CSMD3: variants seen among roughly 807,000 people sequenced by gnomAD.
CSMD3 encodes the protein CUB and Sushi multiple domains 3, also known as CUB and sushi domain-containing protein 3.
A neutral mutation model predicts 435.2 loss-of-function variants in CSMD3; 177 were observed. The observed-to-expected ratio is 0.41, with a 90% CI of 0.36 to 0.46. The LOEUF (loss-of-function observed/expected upper bound fraction) is 0.46. Among genes scored for constraint, CSMD3 ranks in the 20% least tolerant of loss-of-function variants. The pLI is 0.34. For synonymous variants in CSMD3, 1,656 were observed against 1,520.5 expected (o/e 1.09, Z -2.07); for missense variants, 4,265 against 4,504.6 (o/e 0.95, Z 1.52).
At position 112,636,920 on chromosome 8, in the gene CSMD3, C is replaced by A. The variant is rs1283730563; in HGVS notation, c.3612G>T (p.Leu1204=). 1 of 1,613,508 alleles carries A rather than the reference C, an allele frequency of 6.2e-7. No homozygotes were observed. The highest frequency in any genetic ancestry group is 1.7e-5 in the Admixed American group (1 of 59,904). Residue 1204 remains leucine, a synonymous_variant, in exon 22 of 71, where the codon CTG becomes CTT. Coordinates refer to ENST00000297405, the MANE Select transcript of CSMD3 (RefSeq NM_198123.2). ...GATAACCCGAAGAGCATGAGAAGGT[C>A]AGAGTGTCACCAATCCCAAAGTTGA... The part of the protein sequence containing the change: ...IGFNFGIGDT[L]TFSCSSGYRL...
At chr8:112,715,176 C>G (rs924134626) in intron 13 of CSMD3, among the ~76,000 whole-genome samples, 4 of 151,990 alleles carry the variant, frequency 2.6e-5, no homozygotes, top group Non-Finnish European at 5.9e-5. Flanking sequence ...AGACCACTAG[C>G]TACACTAATG....
chr8:112,558,382 G>T (rs146327819), intron 24 of CSMD3, among the ~76,000 whole-genome samples: 1 of 151,968 alleles, frequency 6.6e-6, no homozygotes, highest in African/African-American at 2.4e-5. Flanking sequence ...GAACAAACAG[G>T]CTTGCTGGGT....
At chr8:113,414,650 A>C (rs1271547305) in intron 1 of CSMD3, among the ~76,000 whole-genome samples, 1 of 120,166 alleles carries the variant, frequency 8.3e-6, no homozygotes, top group Admixed American at 7.9e-5. Context: ...GTGCCCAAAT[A>C]CAAAAAAAAA....
chr8:112,549,467 ATTTG>A (rs1352644242), intron 27 of CSMD3, among the ~76,000 whole-genome samples: 8 of 151,996 alleles, frequency 5.3e-5, no homozygotes, highest in Non-Finnish European at 7.4e-5. Flanking sequence ...GTACAAAATA[ATTTG>A]TTTGTGTTAG....
intron 5 of CSMD3, among the ~76,000 whole-genome samples, chr8:113,055,639 C>T (rs1436156637): frequency 6.6e-6 from 1 of 152,114 alleles, no homozygotes; most frequent in Non-Finnish European, 1.5e-5. Context: ...TTTCTACATT[C>T]TGGTTTACTG....
intron 6 of CSMD3, among the ~76,000 whole-genome samples, chr8:112,982,644 C>T (rs1504345): frequency 0.43 from 64,682 of 151,678 alleles, 14,595 homozygotes; most frequent in East Asian, 0.78. Flanking sequence ...TTTTCATACC[C>T]TTGTTTTCTC....
intron 12 of CSMD3, among the ~76,000 whole-genome samples, chr8:112,828,680 C>A (rs1220356794): frequency 6.6e-6 from 1 of 152,110 alleles, no homozygotes; most frequent in Non-Finnish European, 1.5e-5. Context: ...AATAATTGAA[C>A]ATATAAAGCA....
At chr8:112,778,442 T>C (rs1245668916) in intron 13 of CSMD3, among the ~76,000 whole-genome samples, 1 of 151,970 alleles carries the variant, frequency 6.6e-6, no homozygotes, top group Non-Finnish European at 1.5e-5. Context: ...CAGAACATCA[T>C]ATAGTTGAAA....
chr8:112,439,825 G>A (rs1322977729), intron 32 of CSMD3, among the ~76,000 whole-genome samples: 1 of 151,680 alleles, frequency 6.6e-6, no homozygotes, highest in African/African-American at 2.4e-5. Context: ...AAAAGTACAG[G>A]AGAACTGCCC....
chr8:112,230,739 G>A (rs1813007558), intron 69 of CSMD3, among the ~76,000 whole-genome samples: 1 of 152,040 alleles, frequency 6.6e-6, no homozygotes, highest in South Asian at 2.1e-4. Flanking sequence ...TTGAACCTGG[G>A]AGGAGGAGTT....
intron 13 of CSMD3, among the ~76,000 whole-genome samples, chr8:112,792,793 G>C (rs915788305): frequency 6.6e-6 from 1 of 151,980 alleles, no homozygotes; most frequent in Non-Finnish European, 1.5e-5. Context: ...TAAAAAATAT[G>C]TATCTTTTCT....
intron 2 of CSMD3, among the ~76,000 whole-genome samples, chr8:113,280,456 T>TG (rs1443848298): frequency 1.3e-5 from 2 of 152,022 alleles, no homozygotes; most frequent in African/African-American, 4.8e-5. Flanking sequence ...TGCGTAGAGG[T>TG]GTTCACAGTA....
rs555539985 is a variant in CSMD3, at chr8:112,584,974, A to T, written c.3885+2092T>A. ...TAATCATATGTCTTTTTGAGGGTTC[A>T]TCTTTCTGCTTGTATATAACTAAAT... On this transcript the variant is annotated intron_variant, in intron 23 of 70. Coordinates refer to ENST00000297405, the MANE Select transcript of CSMD3 (RefSeq NM_198123.2). 9.2e-5 allele frequency among the ~76,000 whole-genome samples: 14 copies of T among 151,640 alleles called. No individual in the cohort carries two copies. The South Asian group carries it at 2.9e-3, about 31-fold the overall frequency.
At chr8:112,952,456 G>A (rs2083855756) in intron 8 of CSMD3, among the ~76,000 whole-genome samples, 1 of 151,126 alleles carries the variant, frequency 6.6e-6, no homozygotes. Context: ...TTTTGTCCTA[G>A]GTTGAATAAA....
At chr8:112,771,972 T>C (rs1276196463) in intron 13 of CSMD3, among the ~76,000 whole-genome samples, 5 of 151,978 alleles carry the variant, frequency 3.3e-5, no homozygotes, top group African/African-American at 4.8e-5. Context: ...CAATTGAAGA[T>C]ATAAAAACTT....
At chr8:113,168,205 A>G (rs1046630601) in intron 4 of CSMD3, among the ~76,000 whole-genome samples, 2 of 152,024 alleles carry the variant, frequency 1.3e-5, no homozygotes, top group Non-Finnish European at 2.9e-5. Flanking sequence ...ACAGTTTACA[A>G]TGGTTTGTAA....
chr8:112,808,267 G>A (rs1192541558), intron 12 of CSMD3, among the ~76,000 whole-genome samples: 2 of 152,060 alleles, frequency 1.3e-5, no homozygotes, highest in African/African-American at 2.4e-5. Context: ...GTGCAAGCCC[G>A]GTAAAGTATC....
At chr8:112,774,208 C>T (rs1272292343) in intron 13 of CSMD3, among the ~76,000 whole-genome samples, 1 of 151,936 alleles carries the variant, frequency 6.6e-6, no homozygotes, top group Non-Finnish European at 1.5e-5. Context: ...TGAAATGATG[C>T]CTTATAATTT....
intron 2 of CSMD3, chr8:113,311,919 T>C (rs2093872329): frequency 6.6e-6 from 1 of 152,126 alleles, no homozygotes; most frequent in Admixed American, 6.5e-5. Context: ...ATAGAGTACA[T>C]GTATGAATAT....
Sources: gnomAD v4.1 joint callset for allele counts (sites outside exome capture counted in the v4.1 genomes callset) on GRCh38, gnomAD v4.1.1 for gene constraint, MANE v1.5 for transcripts, NCBI Gene and HGNC (gene_info 2026-07-23, HGNC 2026-07-21) for gene names.